ATP6V0A4: variants seen among roughly 807,000 people sequenced by gnomAD.
ATP6V0A4 encodes the protein ATPase H+ transporting V0 subunit a4, also known as V-type proton ATPase 116 kDa subunit a 4.
ATP6V0A4 carries 86 observed loss-of-function variants against 107.3 expected under a neutral mutation model. The observed-to-expected ratio is 0.80, with a 90% CI of 0.67 to 0.96. The LOEUF (loss-of-function observed/expected upper bound fraction) is 0.96. ATP6V0A4 is among the 40% of genes least tolerant of loss of function. The pLI is 0.00. For synonymous variants in ATP6V0A4, 353 were observed against 381.4 expected (o/e 0.93, Z 0.87); for missense variants, 908 against 1,045.6 (o/e 0.87, Z 1.81).
At chr7:138,770,965 A>G (rs373452941) in intron 3 of ATP6V0A4, among the ~76,000 whole-genome samples, 166 bp downstream of exon 3, 101 of 14,548 alleles carry the variant, frequency 6.9e-3, no homozygotes, top group African/African-American at 0.02. Context: ...CTGCCTGGTC[A>G]TGACAAATCC....
At chr7:138,724,402 C>G (rs1290626688) in intron 18 of ATP6V0A4, among the ~76,000 whole-genome samples, 1 of 152,126 alleles carries the variant, frequency 6.6e-6, no homozygotes. Context: ...CACCCTGACC[C>G]AAAATGTCTA....
intron 20 of ATP6V0A4, among the ~76,000 whole-genome samples, chr7:138,710,133 C>T (rs867110489): frequency 2.6e-5 from 4 of 152,060 alleles, no homozygotes; most frequent in Admixed American, 1.3e-4. Context: ...TCCAGTGATC[C>T]TCCCACCTCA....
chr7:138,752,231 G>A (rs900096846), intron 11 of ATP6V0A4, among the ~76,000 whole-genome samples: 12 of 152,018 alleles, frequency 7.9e-5, no homozygotes, highest in African/African-American at 2.2e-4. Context: ...TTTGCTGGAC[G>A]TGGTAGGGCG....
At chr7:138,743,919 C>G (rs1805770028) in intron 14 of ATP6V0A4, among the ~76,000 whole-genome samples, 1 of 152,172 alleles carries the variant, frequency 6.6e-6, no homozygotes, top group Admixed American at 6.6e-5. Context: ...TTCACAGTCC[C>G]CTCTCCTCCA....
intron 7 of ATP6V0A4, 81 bp downstream of exon 7, chr7:138,762,259 A>G: frequency 6.6e-7 from 1 of 1,526,170 alleles, no homozygotes. Context: ...TCCAATGGCT[A>G]TTTGTTCACC....
At chr7:138,755,233 T>C (rs1806447950) in intron 10 of ATP6V0A4, among the ~76,000 whole-genome samples, 1 of 152,160 alleles carries the variant, frequency 6.6e-6, no homozygotes, top group Non-Finnish European at 1.5e-5. Context: ...GAAAATGAGT[T>C]TGGGATGAAT....
Position 138,732,881 on chromosome 7 carries a change from T to G in ATP6V0A4, c.1904A>C (p.His635Pro), listed in dbSNP as rs1554393418. 2 of 1,605,260 alleles carry G rather than the reference T, an allele frequency of 1.2e-6. No homozygotes were observed. Among genetic ancestry groups the G allele is most frequent in the Non-Finnish European group, 1.7e-6 (2 of 1,175,904 alleles). Residue 635 changes from histidine (H) to proline (P), a missense_variant, in exon 17 of 22, where the codon CAT (histidine) becomes CCT (proline). Transcript: ENST00000310018. ...SDSSNAPLYK[H>P]QQEVQSFFVV... ...AAAAAAAAATAGCAGAAATACCTGA[T>G]GTTTGTAGAGGGGTGCGTTGGAAGA...
At chr7:138,713,880 T>G (rs945704954) in intron 20 of ATP6V0A4, among the ~76,000 whole-genome samples, 1 of 150,614 alleles carries the variant, frequency 6.6e-6, no homozygotes, top group African/African-American at 2.4e-5. Context: ...GCAGGAGGAC[T>G]GTTTGAGCCC....
chr7:138,745,954 A>ATATAT (rs1554396046), intron 13 of ATP6V0A4, among the ~76,000 whole-genome samples: 1 of 36,744 alleles, frequency 2.7e-5, no homozygotes, highest in Non-Finnish European at 5.8e-5. Flanking sequence ...AAAAAAAAAA[A>ATATAT]AAAAAAAAAT....
At position 138,714,048 on chromosome 7, in the gene ATP6V0A4, G is replaced by A. The variant is rs1803891632; in HGVS notation, c.2257+1716C>T. Among the ~76,000 whole-genome samples, 6 of 147,942 alleles carry A rather than the reference G, an allele frequency of 4.1e-5. No individual in the cohort carries two copies. The Admixed American group carries it at 4.1e-4, about 10-fold the overall frequency. ...AGCCCAAGAGTTTGAGGCTAGCCTA[G>A]GCAAAAAGGCAAAACCCTACCTCTA... is the stretch of plus-strand genomic sequence containing the variant. On this transcript the variant is annotated intron_variant, in intron 20 of 21. Transcript: ENST00000310018.
Position 138,720,320 on chromosome 7 carries a change from T to A in ATP6V0A4, c.2139+1577A>T, listed in dbSNP as rs559912801. On this transcript the variant is annotated intron_variant, in intron 19 of 21. Transcript: ENST00000310018. ...TGCCTGGAGACGGGAGACCCATGTA[T>A]GATTAGACCTGGGGGAAAGAGGTCC... Among the ~76,000 whole-genome samples, 12 of 152,224 alleles carry A rather than the reference T, an allele frequency of 7.9e-5. No homozygotes were observed. The East Asian group carries it at 2.3e-3, about 29-fold the overall frequency.
At chr7:138,754,837 A>C (rs111616120) in intron 10 of ATP6V0A4, among the ~76,000 whole-genome samples, 1 of 151,968 alleles carries the variant, frequency 6.6e-6, no homozygotes, top group East Asian at 1.9e-4. Context: ...CAGTTTGGTC[A>C]GGCTGGTCTT....
rs1359665788 is a variant in ATP6V0A4 at position 138,780,696 on chromosome 7, G to C, written c.-18+5462C>G. On this transcript the variant is annotated intron_variant, in intron 2 of 21. Coordinates refer to ENST00000310018, the MANE Select transcript of ATP6V0A4 (RefSeq NM_020632.3). The stretch of plus-strand genomic sequence containing the variant: ...AATGTCAGGGATGGCTGGGGAAAGA[G>C]AGTTTGAGACCAACCTGGGCAACAT... Among the ~76,000 whole-genome samples the C allele has an allele frequency of 4.6e-5, 7 of 152,214 alleles. No homozygotes were observed. The East Asian group carries it at 7.7e-4, about 17-fold the overall frequency.
chr7:138,745,899 G>T (rs1159404328), intron 13 of ATP6V0A4, among the ~76,000 whole-genome samples: 1 of 94,362 alleles, frequency 1.1e-5, no homozygotes, highest in African/African-American at 3.7e-5. Flanking sequence ...AGCTGAGATT[G>T]CCCCACTGCC....
chr7:138,760,444 CAAA>C (rs570463822), intron 7 of ATP6V0A4, among the ~76,000 whole-genome samples: 11 of 60,818 alleles, frequency 1.8e-4, no homozygotes, highest in Admixed American at 5.5e-4. Flanking sequence ...AACTCTGTCT[CAAA>C]AAAAAAAAAA....
intron 10 of ATP6V0A4, among the ~76,000 whole-genome samples, chr7:138,753,912 G>C (rs1806371226): frequency 6.6e-6 from 1 of 152,194 alleles, no homozygotes; most frequent in Non-Finnish European, 1.5e-5. Flanking sequence ...ATCTTTGGCA[G>C]GGACTGAGCC....
In ATP6V0A4 at chr7:138,745,470, A is replaced by G. The variant is rs35974644; in HGVS notation, c.1321-190T>C. 0.029 allele frequency: 8,967 copies of G among 307,076 alleles called. 168 individuals are homozygous for G. The highest frequency in any genetic ancestry group is 0.036 in the Non-Finnish European group (7,567 of 210,180). The allele number at this position is 307,076 out of a possible 1,614,324, so 19.0% of individuals were successfully genotyped here. ...CATGGTTTTTGGAACATATAGGTGC[A>G]CCAAAAAGTCCTAGGCTGGTATTTG... On this transcript the variant is annotated intron_variant, in intron 13 of 21. Coordinates refer to ENST00000310018, the MANE Select transcript of ATP6V0A4 (RefSeq NM_020632.3).
intron 14 of ATP6V0A4, among the ~76,000 whole-genome samples, chr7:138,742,480 TTAAATC>T (rs1184923701): frequency 6.6e-6 from 1 of 152,150 alleles, no homozygotes; most frequent in Non-Finnish European, 1.5e-5. Context: ...ACTTATGAGT[TTAAATC>T]TAAAGAGCAG....
chr7:138,756,344 T>G, intron 9 of ATP6V0A4, 114 bp downstream of exon 9: 2 of 1,544,156 alleles, frequency 1.3e-6, no homozygotes, highest in Non-Finnish European at 1.8e-6. Context: ...GAGAAAGTTA[T>G]TCTAAAGCCT....
Sources: gnomAD v4.1 joint callset for allele counts (sites outside exome capture counted in the v4.1 genomes callset) on GRCh38, gnomAD v4.1.1 for gene constraint, MANE v1.5 for transcripts, NCBI Gene and HGNC (gene_info 2026-07-23, HGNC 2026-07-21) for gene names.